The following STMN2 variants were observed in gnomAD, a reference collection of about 807,000 sequenced individuals.
The protein encoded by STMN2 is stathmin 2, also known as stathmin-2.
STMN2 carries 2 observed loss-of-function variants against 24.1 expected under a neutral mutation model. The ratio of observed to expected loss-of-function variants is 0.08; its 90% CI spans 0.03 to 0.26. STMN2 has a LOEUF of 0.26. Among genes scored for constraint, STMN2 ranks in the 10% least tolerant of loss-of-function variants. The pLI is 1.00. For synonymous variants in STMN2, 83 were observed against 77.5 expected, an observed-to-expected ratio of 1.07 and a Z score of -0.37; for missense variants, 114 against 213.6, an observed-to-expected ratio of 0.53 and a Z score of 2.91.
At chr8:79,646,693 T>G (rs1470716246) in intron 3 of STMN2, among the ~76,000 whole-genome samples, 1 of 152,166 alleles carries the variant, frequency 6.6e-6, no homozygotes, top group African/African-American at 2.4e-5. Context: ...TTAAGGACTT[T>G]GACTTCACAT....
intron 1 of STMN2, among the ~76,000 whole-genome samples, chr8:79,630,895 G>C (rs1334783702): frequency 1.5e-5 from 2 of 135,060 alleles, no homozygotes; most frequent in African/African-American, 6.1e-5. Flanking sequence ...TAGGAGCTTA[G>C]GGGGATAAAA....
Position 79,611,176 on chromosome 8 carries a change from A to G in STMN2, c.-20A>G. 6.2e-7 allele frequency: 1 copy of G among 1,614,024 alleles called. No homozygotes were observed. Among genetic ancestry groups the G allele is most frequent in the Non-Finnish European group, 8.5e-7 (1 of 1,180,024 alleles). On this transcript the variant is annotated 5_prime_UTR_variant, in exon 1 of 5. Transcript: ENST00000220876. Reference sequence around the variant, plus strand: ...GGACCCTTTGCCTTCGCCACTGCTCAGCGTCTGCACATCCCTACAATGGCT... The same window carrying G: ...GGACCCTTTGCCTTCGCCACTGCTCGGCGTCTGCACATCCCTACAATGGCT...
intron 4 of STMN2, among the ~76,000 whole-genome samples, chr8:79,656,535 G>C (rs1806373863): frequency 6.6e-6 from 1 of 152,134 alleles, no homozygotes; most frequent in African/African-American, 2.4e-5. Context: ...AGTTCCATTT[G>C]CTAAAGTTTA....
intron 3 of STMN2, among the ~76,000 whole-genome samples, chr8:79,650,373 G>A (rs1290776347): frequency 1.3e-5 from 2 of 152,170 alleles, no homozygotes; most frequent in Non-Finnish European, 2.9e-5. Context: ...ATTTGAACAT[G>A]TAGTGAGAAC....
At chr8:79,652,091 G>T (rs1439664713) in intron 3 of STMN2, among the ~76,000 whole-genome samples, 2 of 152,220 alleles carry the variant, frequency 1.3e-5, no homozygotes, top group Admixed American at 1.3e-4. Flanking sequence ...TTACCTAACA[G>T]TGTATTAAGA....
chr8:79,648,387 T>G (rs541619791), intron 3 of STMN2, among the ~76,000 whole-genome samples: 1 of 151,948 alleles, frequency 6.6e-6, no homozygotes, highest in East Asian at 1.9e-4. Context: ...AGCAAACTCA[T>G]GATTTTATAA....
chr8:79,617,859 A>G (rs1330861241), intron 1 of STMN2, among the ~76,000 whole-genome samples: 1 of 152,268 alleles, frequency 6.6e-6, no homozygotes, highest in Non-Finnish European at 1.5e-5. Context: ...TAGCACATAT[A>G]ACATGCAAGG....
chr8:79,632,630 T>C (rs1484057629), intron 1 of STMN2, among the ~76,000 whole-genome samples: 2 of 152,198 alleles, frequency 1.3e-5, no homozygotes, highest in South Asian at 2.1e-4. Context: ...CTTTCAGGGA[T>C]TATGACACAT....
At chr8:79,663,185 C>A (rs769528678) in intron 4 of STMN2, among the ~76,000 whole-genome samples, 3 of 152,062 alleles carry the variant, frequency 2.0e-5, no homozygotes, top group Non-Finnish European at 4.4e-5. Context: ...TGCCTTTTTT[C>A]TCCCAGAATC....
At chr8:79,656,553 G>A (rs990150580) in intron 4 of STMN2, among the ~76,000 whole-genome samples, 1 of 152,124 alleles carries the variant, frequency 6.6e-6, no homozygotes, top group African/African-American at 2.4e-5. Context: ...TTACTCCCCT[G>A]ACCTTCAACC....
intron 2 of STMN2, among the ~76,000 whole-genome samples, chr8:79,640,710 G>T (rs956436034): frequency 1.3e-5 from 2 of 152,204 alleles, no homozygotes; most frequent in Non-Finnish European, 2.9e-5. Flanking sequence ...CCTGGAGTGG[G>T]CACTGTGCAT....
At chr8:79,651,760 G>A (rs1810337409) in intron 3 of STMN2, among the ~76,000 whole-genome samples, 1 of 152,234 alleles carries the variant, frequency 6.6e-6, no homozygotes, top group Non-Finnish European at 1.5e-5. Flanking sequence ...AGCTGATCCT[G>A]TCTGAAGAGC....
chr8:79,637,336 T>A (rs138316874), intron 2 of STMN2, among the ~76,000 whole-genome samples: 235 of 152,322 alleles, frequency 1.5e-3, no homozygotes, highest in Middle Eastern at 6.8e-3. Flanking sequence ...TGTATATACA[T>A]GTCAACCAGC....
intron 1 of STMN2, among the ~76,000 whole-genome samples, chr8:79,636,515 T>C (rs879262104): frequency 1.3e-5 from 2 of 152,186 alleles, no homozygotes; most frequent in Admixed American, 6.5e-5. Context: ...CCTCCTATCC[T>C]GCTAGATCTT....
intron 4 of STMN2, among the ~76,000 whole-genome samples, chr8:79,655,830 A>G (rs1806341208): frequency 1.3e-5 from 2 of 152,210 alleles, no homozygotes; most frequent in Admixed American, 6.5e-5. Context: ...AGAAATTGGA[A>G]TAAGCATTGA....
intron 3 of STMN2, among the ~76,000 whole-genome samples, chr8:79,643,273 T>C (rs1424013490): frequency 6.6e-6 from 1 of 150,868 alleles, no homozygotes; most frequent in East Asian, 1.9e-4. Context: ...AAAACATTTT[T>C]ATCAGCTTTT....
intron 1 of STMN2, among the ~76,000 whole-genome samples, chr8:79,633,036 T>A (rs1445174036): frequency 1.3e-5 from 2 of 152,220 alleles, no homozygotes; most frequent in Non-Finnish European, 1.5e-5. Context: ...ACTATTTCCC[T>A]TAGCCGGGTA....
chr8:79,640,229 G>C (rs1810064675), intron 2 of STMN2, among the ~76,000 whole-genome samples: 1 of 152,084 alleles, frequency 6.6e-6, no homozygotes, highest in Admixed American at 6.6e-5. Flanking sequence ...TGTTCTTCCT[G>C]TTTAACTGAA....
intron 3 of STMN2, among the ~76,000 whole-genome samples, chr8:79,649,544 C>T (rs1810288616): frequency 6.6e-6 from 1 of 152,128 alleles, no homozygotes; most frequent in African/African-American, 2.4e-5. Context: ...TAATGATTTT[C>T]ATTGTCAGCA....
Sources: gnomAD v4.1 joint callset for allele counts (sites outside exome capture counted in the v4.1 genomes callset) on GRCh38, gnomAD v4.1.1 for gene constraint, MANE v1.5 for transcripts, NCBI Gene and HGNC (gene_info 2026-07-23, HGNC 2026-07-21) for gene names.